CASP9: variants seen among roughly 807,000 people sequenced by gnomAD.
CASP9 encodes caspase-9.
CASP9 carries 29 observed loss-of-function variants against 43.5 expected under a neutral mutation model. That is an observed-to-expected ratio of 0.67 (90% confidence interval 0.50 to 0.91). CASP9 has a LOEUF of 0.91. Among genes scored for constraint, CASP9 ranks in the 40% least tolerant of loss-of-function variants. The pLI is 0.00. For synonymous variants in CASP9, 206 were observed against 211.9 expected, an observed-to-expected ratio of 0.97 and a Z score of 0.24; for missense variants, 575 against 537.4, an observed-to-expected ratio of 1.07 and a Z score of -0.69.
At chr1:15,512,163 G>A (rs1002514870) in intron 2 of CASP9, among the ~76,000 whole-genome samples, 7 of 152,204 alleles carry the variant, frequency 4.6e-5, no homozygotes, top group African/African-American at 1.7e-4. Flanking sequence ...GGGCTGAAAA[G>A]CCAACTTCTA....
intron 6 of CASP9, among the ~76,000 whole-genome samples, chr1:15,500,392 TG>T (rs997973241): frequency 3.9e-5 from 6 of 152,152 alleles, no homozygotes; most frequent in African/African-American, 1.4e-4. Context: ...CCAGAGGAGC[TG>T]GGGGCCCATC....
At chr1:15,502,838 C>T (rs569653077) in intron 6 of CASP9, among the ~76,000 whole-genome samples, 6 of 152,280 alleles carry the variant, frequency 3.9e-5, no homozygotes, top group South Asian at 2.1e-4. Context: ...CCGGAGGCTC[C>T]GAAGGAAGAG....
At chr1:15,511,176 G>A (rs1204752512) in intron 2 of CASP9, among the ~76,000 whole-genome samples, 1 of 152,228 alleles carries the variant, frequency 6.6e-6, no homozygotes, top group Non-Finnish European at 1.5e-5. Context: ...GAGTTTATAT[G>A]AGGGTTTAAG....
At chr1:15,501,259 G>A (rs1709318523) in intron 6 of CASP9, among the ~76,000 whole-genome samples, 1 of 152,266 alleles carries the variant, frequency 6.6e-6, no homozygotes, top group South Asian at 2.1e-4. Context: ...TGCCTATCAC[G>A]CTGACGTTGC....
At chr1:15,508,584 T>C (rs1244593229) in intron 2 of CASP9, among the ~76,000 whole-genome samples, 5 of 152,092 alleles carry the variant, frequency 3.3e-5, no homozygotes, top group African/African-American at 1.2e-4. Flanking sequence ...GGCTAATTTT[T>C]TTGTATTTTT....
upstream of CASP9, chr1:15,524,858 G>C: frequency 1.2e-6 from 1 of 826,292 alleles, no homozygotes; most frequent in Non-Finnish European, 1.4e-6. Context: ...GCACCTCAGC[G>C]CCTCGCGCCG....
chr1:15,498,145 G>A (rs1041447053), intron 6 of CASP9, among the ~76,000 whole-genome samples: 1 of 152,120 alleles, frequency 6.6e-6, no homozygotes, highest in Non-Finnish European at 1.5e-5. Flanking sequence ...GTGCAGTGGT[G>A]CAATCACAGC....
intron 6 of CASP9, among the ~76,000 whole-genome samples, chr1:15,500,939 C>T (rs1432409574): frequency 1.3e-5 from 2 of 152,158 alleles, no homozygotes; most frequent in African/African-American, 2.4e-5. Flanking sequence ...GCTCCGTTCA[C>T]GTGTCAGCCT....
intron 5 of CASP9, 115 bp from the exon 6 acceptor site, chr1:15,504,873 G>A (rs1236465958): frequency 7.1e-6 from 7 of 992,810 alleles, no homozygotes; most frequent in African/African-American, 3.2e-5. Flanking sequence ...AGGGGCACGA[G>A]GCTGATTGAG....
intron 6 of CASP9, among the ~76,000 whole-genome samples, chr1:15,497,320 A>G (rs1271097366): frequency 1.1e-4 from 17 of 149,524 alleles, no homozygotes; most frequent in Non-Finnish European, 1.6e-4. Flanking sequence ...AAAAAAAAAA[A>G]AAAAAAAGAA....
chr1:15,497,547 G>A (rs1709151054), intron 6 of CASP9, among the ~76,000 whole-genome samples: 1 of 151,818 alleles, frequency 6.6e-6, no homozygotes, highest in East Asian at 1.9e-4. Flanking sequence ...GGAGGCTGAA[G>A]CAGGAGAATT....
At chr1:15,500,891 G>A (rs1709302465) in intron 6 of CASP9, among the ~76,000 whole-genome samples, 1 of 151,938 alleles carries the variant, frequency 6.6e-6, no homozygotes, top group Non-Finnish European at 1.5e-5. Context: ...GGGGGTGTGG[G>A]GGAAAGGAAA....
chr1:15,505,920 G>A (rs1709500632), intron 5 of CASP9, 70 bp downstream of exon 5: 2 of 1,200,042 alleles, frequency 1.7e-6, no homozygotes, highest in Admixed American at 1.7e-5. Flanking sequence ...GAAGGGACAT[G>A]GCCCCTGCAC....
In CASP9 at chr1:15,493,045, A is replaced by G. The variant is rs773296517; in HGVS notation, c.1159-10T>C. ...AAACAGCATTAGCGACCTGTAAGAC[A>G]TGACCATGGAGAGCTCTGTGAGTTC... is the stretch of plus-strand genomic sequence containing the variant. On this transcript the variant is annotated splice_polypyrimidine_tract_variant and intron_variant, in intron 8 of 8. Transcript: ENST00000333868. The G allele has an allele frequency of 2.5e-6, 4 of 1,613,958 alleles. No homozygotes were observed. Among genetic ancestry groups the G allele is most frequent in the Admixed American group, 1.7e-5 (1 of 60,032 alleles).
At chr1:15,497,273 T>G (rs1449344667) in intron 6 of CASP9, among the ~76,000 whole-genome samples, 1 of 142,450 alleles carries the variant, frequency 7.0e-6, no homozygotes, top group Admixed American at 7.1e-5. Flanking sequence ...ATCGTGCCAT[T>G]GCACTCCAGC....
intron 6 of CASP9, among the ~76,000 whole-genome samples, chr1:15,499,232 T>C (rs930415060): frequency 2.0e-5 from 3 of 152,216 alleles, no homozygotes; most frequent in Admixed American, 6.5e-5. Context: ...ATGGCTGGGA[T>C]TTTTCCATGT....
Position 15,504,651 on chromosome 1 carries a change from T to A in CASP9, c.828A>T (p.Gly276=). The change falls in exon 6 of 9, where the codon GGA becomes GGT. Residue 276 remains glycine, a synonymous_variant. Coordinates refer to ENST00000333868, the MANE Select transcript of CASP9 (RefSeq NM_001229.5). ...IFNGTSCPSL[G]GKPKLFFIQA... is the part of the protein sequence containing the mutation. ...GGATGAAAAAGAGCTTGGGCTTCCCTCCCAGGCTGGGGCAGCTGGTCCCAT... is the reference window on the plus strand; with the variant it reads ...GGATGAAAAAGAGCTTGGGCTTCCCACCCAGGCTGGGGCAGCTGGTCCCAT... 1 of 1,614,086 alleles carries A rather than the reference T, an allele frequency of 6.2e-7. No homozygotes were observed. Among genetic ancestry groups the A allele is most frequent in the Non-Finnish European group, 8.5e-7 (1 of 1,179,986 alleles).
At chr1:15,497,289 C>CT (rs1337644106) in intron 6 of CASP9, among the ~76,000 whole-genome samples, 1 of 138,918 alleles carries the variant, frequency 7.2e-6, no homozygotes, top group Non-Finnish European at 1.5e-5. Context: ...CCAGCCTGGG[C>CT]AACAGAGCAG....
At position 15,505,987 on chromosome 1, in the gene CASP9, T is replaced by G; in HGVS notation, c.720+3A>C. The G allele has an allele frequency of 2.5e-6, 4 of 1,613,028 alleles. No individual in the cohort carries two copies. The highest frequency in any genetic ancestry group is 3.4e-6 in the Non-Finnish European group (4 of 1,178,952). ...GCCCAGGGAACAGTGGGAGGCTTCC[T>G]ACCTGACAGCCGTGAGAGAGAATGA... On this transcript the variant is annotated splice_donor_region_variant and intron_variant, in intron 5 of 8. Transcript: ENST00000333868.
Sources: gnomAD v4.1 joint callset for allele counts (sites outside exome capture counted in the v4.1 genomes callset) on GRCh38, gnomAD v4.1.1 for gene constraint, MANE v1.5 for transcripts, NCBI Gene and HGNC (gene_info 2026-07-23, HGNC 2026-07-21) for gene names.